ZPLD1: variants seen among roughly 807,000 people sequenced by gnomAD.
ZPLD1 encodes the protein zona pellucida-like domain-containing protein 1.
Under a neutral mutation model 47.2 loss-of-function variants are expected in ZPLD1, and 34 were observed. The ratio of observed to expected loss-of-function variants is 0.72; its 90% confidence interval spans 0.55 to 0.96. ZPLD1 has a LOEUF of 0.96. Ranked by LOEUF, ZPLD1 falls within the 40% of genes least tolerant of loss-of-function variation. The pLI, the probability that ZPLD1 is intolerant of heterozygous loss-of-function variation, is 0.00. For missense variants in ZPLD1, 512 were observed against 505.8 expected (o/e 1.01, Z -0.12); for synonymous variants, 176 against 186.2 (o/e 0.95, Z 0.45).
chr3:102,400,922 G>A (rs1468031288), intron 7 of ZPLD1, among the ~76,000 whole-genome samples: 1 of 152,040 alleles, frequency 6.6e-6, no homozygotes, highest in Non-Finnish European at 1.5e-5. Context: ...CCCAGACCAG[G>A]AGCTGACCAC....
At chr3:102,469,984 A>C (rs763206703) in intron 9 of ZPLD1, among the ~76,000 whole-genome samples, 3 of 152,132 alleles carry the variant, frequency 2.0e-5, no homozygotes, top group Non-Finnish European at 2.9e-5. Context: ...ATTTCTTCAT[A>C]CTCATTGATC....
In ZPLD1 at chr3:102,458,677, G is replaced by A. The variant is rs187526783; in HGVS notation, c.582+824G>A. Among the ~76,000 whole-genome samples, 113 of 152,122 alleles carry A rather than the reference G, an allele frequency of 7.4e-4. No individual in the cohort carries two copies. In the Middle Eastern group the frequency reaches 0.01, roughly 14 times the overall value. On this transcript the variant is annotated intron_variant, in intron 6 of 11. Transcript: ENST00000466937. ...TATTGTAGTAGGACATTTTCCAAAG[G>A]CATTTAAAAAAATCATGTTTATAAG... is the stretch of plus-strand genomic sequence containing the variant.
intron 8 of ZPLD1, among the ~76,000 whole-genome samples, chr3:102,424,049 C>A (rs906655165): frequency 2.0e-5 from 3 of 152,078 alleles, no homozygotes; most frequent in African/African-American, 7.2e-5. Context: ...CAGTCTTAAT[C>A]CTTTGTTTAC....
chr3:102,472,632 A>C (rs1044557629), intron 10 of ZPLD1, among the ~76,000 whole-genome samples: 1 of 152,176 alleles, frequency 6.6e-6, no homozygotes, highest in Admixed American at 6.5e-5. Flanking sequence ...TTGAATGGAA[A>C]CTCAGTTCTT....
In ZPLD1 at chr3:102,451,267, A is replaced by G. The variant is rs538495025; in HGVS notation, c.107-1652A>G. 3.3e-5 allele frequency among the ~76,000 whole-genome samples: 5 copies of G among 152,352 alleles called. No homozygotes were observed. In the East Asian group the frequency reaches 9.6e-4, roughly 29 times the overall value. On this transcript the variant is annotated intron_variant, in intron 3 of 11. Coordinates refer to ENST00000466937, the MANE Select transcript of ZPLD1 (RefSeq NM_001329788.2). ...CTGTTAAATTAGGACTGAATTATTT[A>G]AGCAAATTAATTCTATGCTAAAAAA...
intron 7 of ZPLD1, among the ~76,000 whole-genome samples, chr3:102,407,196 A>G (rs908835868): frequency 2.6e-5 from 4 of 151,170 alleles, no homozygotes; most frequent in African/African-American, 7.3e-5. Context: ...TGCATTATTG[A>G]ACATACCTTG....
intron 7 of ZPLD1, among the ~76,000 whole-genome samples, chr3:102,411,776 TGG>T (rs1177516820): frequency 1.3e-5 from 2 of 151,766 alleles, no homozygotes; most frequent in Non-Finnish European, 2.9e-5. Context: ...ATAGGAGAGA[TGG>T]AGTTTAGCAG....
At chr3:102,410,919 T>C (rs1445451011) in intron 7 of ZPLD1, among the ~76,000 whole-genome samples, 1 of 151,874 alleles carries the variant, frequency 6.6e-6, no homozygotes, top group Non-Finnish European at 1.5e-5. Context: ...TGTAATATTG[T>C]TCACCTTCCA....
intron 7 of ZPLD1, among the ~76,000 whole-genome samples, chr3:102,415,472 A>AT (rs1318309074): frequency 2.0e-5 from 3 of 151,850 alleles, no homozygotes. Flanking sequence ...AAGCAAAAAA[A>AT]GGAGCTCTGA....
At chr3:102,430,738 G>A (rs1707006529), upstream of ZPLD1, among the ~76,000 whole-genome samples, 1 of 152,102 alleles carries the variant, frequency 6.6e-6, no homozygotes, top group Non-Finnish European at 1.5e-5. Context: ...CTGGCATTTT[G>A]TCCCTTGTGA....
At chr3:102,387,983 C>A (rs1706450787) in intron 6 of ZPLD1, among the ~76,000 whole-genome samples, 1 of 151,684 alleles carries the variant, frequency 6.6e-6, no homozygotes, top group Non-Finnish European at 1.5e-5. Flanking sequence ...GCCTCAGCCT[C>A]CCAAGTAGCT....
At chr3:102,393,374 G>A (rs1467713033) in intron 7 of ZPLD1, among the ~76,000 whole-genome samples, 1 of 152,084 alleles carries the variant, frequency 6.6e-6, no homozygotes, top group Non-Finnish European at 1.5e-5. Context: ...CCATTAAACA[G>A]ATTTTAAAAA....
Position 102,411,182 on chromosome 3 carries a change from GA to G in ZPLD1, c.-156-6871del, listed in dbSNP as rs535474154. The stretch of plus-strand genomic sequence containing the variant: ...AAATAGACAAAGTATTTAACTGTGG[GA>G]AAAAAAGATGAGAGCTGGAGGCAAA... On this transcript the variant is annotated intron_variant, in intron 7 of 17. Coordinates refer to the ZPLD1 transcript ENST00000491959. Among the ~76,000 whole-genome samples, 3 of 151,700 alleles carry G rather than the reference GA, an allele frequency of 2.0e-5. No individual in the cohort carries two copies. In the East Asian group the frequency reaches 5.8e-4, roughly 30 times the overall value.
chr3:102,453,087 T>A lies in ZPLD1; in HGVS notation c.275T>A (p.Val92Asp). The A allele has an allele frequency of 6.2e-7, 1 of 1,614,080 alleles. No homozygotes were observed. The highest frequency in any genetic ancestry group is 8.5e-7 in the Non-Finnish European group (1 of 1,179,984). The change falls in exon 4 of 12, where the codon GTC becomes GAC. Residue 92 changes from valine (V) to aspartate (D), a missense_variant. By Grantham distance (152) the Val-to-Asp change is radical. Transcript: ENST00000466937. Reference protein sequence around the residue: ...FINNNTFPAVVIFIINLSTLE... With the variant: ...FINNNTFPAVDIFIINLSTLE... Reference sequence around the variant, plus strand: ...AATAACAACACCTTTCCAGCAGTGGTCATTTTTATCATCAATCTCAGCACC... The same window carrying A: ...AATAACAACACCTTTCCAGCAGTGGACATTTTTATCATCAATCTCAGCACC...
At chr3:102,457,075 C>T (rs1003682872) in intron 5 of ZPLD1, among the ~76,000 whole-genome samples, 5 of 152,170 alleles carry the variant, frequency 3.3e-5, no homozygotes, top group Non-Finnish European at 7.3e-5. Flanking sequence ...GATGATTAAG[C>T]GAACGCTTTC....
At chr3:102,444,782 C>A (rs1177538158) in intron 3 of ZPLD1, among the ~76,000 whole-genome samples, 2 of 152,142 alleles carry the variant, frequency 1.3e-5, no homozygotes, top group Non-Finnish European at 2.9e-5. Context: ...CTATATTGAA[C>A]AGATTGCTGT....
intron 7 of ZPLD1, among the ~76,000 whole-genome samples, chr3:102,416,665 G>A (rs1706808368): frequency 6.6e-6 from 1 of 151,734 alleles, no homozygotes; most frequent in South Asian, 2.1e-4. Flanking sequence ...ACATATTTGG[G>A]GGTACATGCA....
chr3:102,439,426 G>C (rs1432818933), intron 3 of ZPLD1, among the ~76,000 whole-genome samples: 1 of 152,132 alleles, frequency 6.6e-6, no homozygotes, highest in Non-Finnish European at 1.5e-5. Flanking sequence ...GAAATTGTCT[G>C]AATGTCTTCA....
chr3:102,389,892 G>A (rs1706475992), intron 6 of ZPLD1, among the ~76,000 whole-genome samples: 1 of 152,160 alleles, frequency 6.6e-6, no homozygotes, highest in South Asian at 2.1e-4. Context: ...GATGCTGATT[G>A]AAAGAAGAAT....
Sources: gnomAD v4.1 joint callset for allele counts (sites outside exome capture counted in the v4.1 genomes callset) on GRCh38, gnomAD v4.1.1 for gene constraint, MANE v1.5 for transcripts, NCBI Gene and HGNC (gene_info 2026-07-23, HGNC 2026-07-21) for gene names.